The following GRIA4 variants were observed in gnomAD, a reference collection of about 807,000 sequenced individuals.
The protein encoded by GRIA4 is glutamate receptor 4.
Under a neutral mutation model 104.0 loss-of-function variants are expected in GRIA4, and 34 were observed. The ratio of observed to expected loss-of-function variants is 0.33; its 90% CI spans 0.25 to 0.44. GRIA4 has a LOEUF of 0.44. Ranked by LOEUF, GRIA4 falls within the 20% of genes least tolerant of loss-of-function variation. The pLI is 1.00. For missense variants in GRIA4, 750 were observed against 1,096.5 expected, an observed-to-expected ratio of 0.68 and a Z score of 4.46; for synonymous variants, 386 against 381.9, an observed-to-expected ratio of 1.01 and a Z score of -0.13.
chr11:105,727,726 A>T (rs1290319540), intron 3 of GRIA4, among the ~76,000 whole-genome samples: 2 of 152,196 alleles, frequency 1.3e-5, no homozygotes, highest in Non-Finnish European at 2.9e-5. Context: ...AATATTCAAC[A>T]TTCCTAAAGA....
chr11:105,825,045 T>C (rs1943715531), intron 4 of GRIA4, among the ~76,000 whole-genome samples: 1 of 152,066 alleles, frequency 6.6e-6, no homozygotes, highest in African/African-American at 2.4e-5. Context: ...ACAGTTTGTT[T>C]ACCCTATTTA....
intron 3 of GRIA4, among the ~76,000 whole-genome samples, chr11:105,646,793 A>T (rs923293544): frequency 6.6e-6 from 1 of 152,212 alleles, no homozygotes; most frequent in African/African-American, 2.4e-5. Flanking sequence ...AAATTAACTC[A>T]AGACAGATTA....
chr11:105,793,185 C>A (rs1466866598), intron 4 of GRIA4, among the ~76,000 whole-genome samples: 1 of 152,096 alleles, frequency 6.6e-6, no homozygotes, highest in Admixed American at 6.6e-5. Flanking sequence ...GATGGAGCTA[C>A]CACTCTCTGG....
At chr11:105,812,943 T>C (rs1943234312) in intron 4 of GRIA4, among the ~76,000 whole-genome samples, 2 of 151,490 alleles carry the variant, frequency 1.3e-5, no homozygotes, top group South Asian at 4.2e-4. Flanking sequence ...CTACTAAAAA[T>C]ACAAAAAATT....
chr11:105,946,011 G>T, intron 14 of GRIA4, among the ~76,000 whole-genome samples: 1 of 151,972 alleles, frequency 6.6e-6, no homozygotes, highest in South Asian at 2.1e-4. Context: ...CTGGACTTTT[G>T]GGTTGAAGCT....
At chr11:105,965,929 A>G (rs750241089) in intron 14 of GRIA4, 1 of 1,513,666 alleles carries the variant, frequency 6.6e-7, no homozygotes, top group Non-Finnish European at 9.2e-7. Context: ...CTTACAAAAT[A>G]TGTTTTATCG....
intron 4 of GRIA4, among the ~76,000 whole-genome samples, chr11:105,858,760 A>G (rs1169126112): frequency 6.6e-6 from 1 of 152,060 alleles, no homozygotes; most frequent in Non-Finnish European, 1.5e-5. Context: ...AACATGGGAA[A>G]CTTGTCTTTC....
intron 3 of GRIA4, among the ~76,000 whole-genome samples, chr11:105,632,877 A>G (rs1951071334): frequency 6.6e-6 from 1 of 152,220 alleles, no homozygotes. Context: ...CACAGAAATA[A>G]TAATTTGTAT....
At chr11:105,928,291 T>C (rs892511982) in intron 13 of GRIA4, among the ~76,000 whole-genome samples, 3 of 151,958 alleles carry the variant, frequency 2.0e-5, no homozygotes, top group Non-Finnish European at 4.4e-5. Context: ...TGTCAACAAT[T>C]TGGAGTATTA....
chr11:105,916,520 G>T (rs975498270), intron 10 of GRIA4, among the ~76,000 whole-genome samples: 1 of 152,074 alleles, frequency 6.6e-6, no homozygotes, highest in African/African-American at 2.4e-5. Context: ...AGAGATCAAG[G>T]GGCACACTTG....
chr11:105,962,955 G>A (rs1280849254), intron 14 of GRIA4, among the ~76,000 whole-genome samples: 1 of 152,090 alleles, frequency 6.6e-6, no homozygotes, highest in Non-Finnish European at 1.5e-5. Context: ...CAGTGACACT[G>A]ATATACTTAA....
At chr11:105,797,471 A>T (rs897161288) in intron 4 of GRIA4, among the ~76,000 whole-genome samples, 3 of 152,068 alleles carry the variant, frequency 2.0e-5, no homozygotes, top group African/African-American at 7.2e-5. Context: ...CTAAGGTTAC[A>T]CTCTAGCTTT....
At chr11:105,653,467 C>G (rs534904457) in intron 3 of GRIA4, among the ~76,000 whole-genome samples, 22 of 152,294 alleles carry the variant, frequency 1.4e-4, no homozygotes, top group African/African-American at 5.1e-4. Flanking sequence ...ATGTCCCAGG[C>G]ATGACTGAGC....
chr11:105,790,026 A>G lies in GRIA4; in HGVS notation c.487+36806A>G, dbSNP rs772447683. 2.6e-5 allele frequency among the ~76,000 whole-genome samples: 4 copies of G among 152,332 alleles called. No homozygotes were observed. In the East Asian group the frequency reaches 7.7e-4, roughly 29 times the overall value. ...ACACAAGGGGACTTTATGCTTCTGC[A>G]AGTGAGAAGGAAAATGCAGAATTTT... On this transcript the variant is annotated intron_variant, in intron 4 of 16. Coordinates refer to ENST00000282499, the MANE Select transcript of GRIA4 (RefSeq NM_000829.4).
chr11:105,739,819 TC>T (rs779109138), intron 3 of GRIA4, among the ~76,000 whole-genome samples: 11 of 152,100 alleles, frequency 7.2e-5, no homozygotes, highest in Non-Finnish European at 1.5e-4. Context: ...ATTTTTAACA[TC>T]CAGAGGGCTA....
In GRIA4 at chr11:105,974,424, G is replaced by T; in HGVS notation, c.2524G>T (p.Ala842Ser). ...ALIEFCYKSRAEAKRMKLTFS... is the reference protein window; with the variant it reads ...ALIEFCYKSRSEAKRMKLTFS... ...GATAGAGTTCTGTTACAAGTCCAGG[G>T]CAGAAGCGAAGAGAATGAAGGTGGC... is the stretch of plus-strand genomic sequence containing the variant. Residue 842 changes from alanine to serine, a missense_variant, in exon 16 of 17, where the codon GCA becomes TCA. Transcript: ENST00000282499. The T allele has an allele frequency of 6.2e-7, 1 of 1,614,002 alleles. No homozygotes were observed. The highest frequency in any genetic ancestry group is 8.5e-7 in the Non-Finnish European group (1 of 1,179,902).
At chr11:105,880,607 T>C (rs942458060) in intron 5 of GRIA4, among the ~76,000 whole-genome samples, 3 of 152,166 alleles carry the variant, frequency 2.0e-5, no homozygotes, top group Non-Finnish European at 4.4e-5. Flanking sequence ...TTTTTAATAT[T>C]TGGAATAGTC....
At chr11:105,743,943 G>T (rs1359778902) in intron 3 of GRIA4, among the ~76,000 whole-genome samples, 3 of 152,028 alleles carry the variant, frequency 2.0e-5, no homozygotes. Flanking sequence ...TACCACATCT[G>T]CTTTAATTTG....
intron 3 of GRIA4, among the ~76,000 whole-genome samples, chr11:105,647,824 A>G (rs1370271673): frequency 6.6e-6 from 1 of 152,014 alleles, no homozygotes; most frequent in African/African-American, 2.4e-5. Flanking sequence ...GAAGAGGATC[A>G]GGCACGTGCC....
Sources: allele counts gnomAD v4.1 joint callset (sites outside exome capture counted in the v4.1 genomes callset), GRCh38; gene constraint gnomAD v4.1.1; transcripts MANE v1.5; gene names NCBI Gene and HGNC (gene_info 2026-07-23, HGNC 2026-07-21).